LMX1A: variants seen among roughly 807,000 people sequenced by gnomAD.
LMX1A encodes the protein LIM homeobox transcription factor 1-alpha.
LMX1A carries 15 observed loss-of-function variants against 49.1 expected under a neutral mutation model. The ratio of observed to expected loss-of-function variants is 0.31; its 90% CI spans 0.20 to 0.47. The LOEUF is 0.47. LMX1A is among the 20% of genes least tolerant of loss of function. The pLI is 1.00. For synonymous variants in LMX1A, 167 were observed against 185.7 expected, an observed-to-expected ratio of 0.90 and a Z score of 0.82; for missense variants, 372 against 475.8, an observed-to-expected ratio of 0.78 and a Z score of 2.03.
intron 3 of LMX1A, among the ~76,000 whole-genome samples, chr1:165,350,173 CAAAAAAAAAAAAA>C (rs60150264): frequency 6.2e-5 from 5 of 80,230 alleles, no homozygotes; most frequent in Admixed American, 1.4e-4. Context: ...AAAGATCCAC[CAAAAAAAAAAAAA>C]AAAAAAAAAA....
chr1:165,213,599 A>T (rs910192318), intron 5 of LMX1A, 42 bp downstream of exon 5: 1 of 1,570,630 alleles, frequency 6.4e-7, no homozygotes, highest in African/African-American at 1.4e-5. Context: ...GCACACAGAG[A>T]AGTGGGGCCC....
At chr1:165,274,614 T>G (rs7518895) in intron 3 of LMX1A, among the ~76,000 whole-genome samples, 49,248 of 152,058 alleles carry the variant, frequency 0.32, 8,295 homozygotes, top group Non-Finnish European at 0.35. Context: ...AAATCAGAAG[T>G]GGCAGTGGGA....
intron 3 of LMX1A, among the ~76,000 whole-genome samples, chr1:165,300,279 G>C (rs910219267): frequency 1.3e-5 from 2 of 152,198 alleles, no homozygotes; most frequent in African/African-American, 4.8e-5. Flanking sequence ...CCCGATGTGT[G>C]ACCTGTTTAC....
chr1:165,271,585 C>T (rs779413023), intron 3 of LMX1A, among the ~76,000 whole-genome samples: 3 of 152,158 alleles, frequency 2.0e-5, no homozygotes, highest in Non-Finnish European at 4.4e-5. Flanking sequence ...TGCAGGACAT[C>T]CCTGCAATTG....
intron 4 of LMX1A, among the ~76,000 whole-genome samples, chr1:165,231,023 A>G (rs564322544): frequency 6.6e-6 from 1 of 152,330 alleles, no homozygotes; most frequent in East Asian, 1.9e-4. Flanking sequence ...ACATTTCCTA[A>G]AGTAAATTAT....
At chr1:165,257,686 T>G (rs1035216799) in intron 3 of LMX1A, among the ~76,000 whole-genome samples, 2 of 152,112 alleles carry the variant, frequency 1.3e-5, no homozygotes, top group African/African-American at 2.4e-5. Flanking sequence ...TTTCAAGATA[T>G]AGGCAGAAAT....
chr1:165,311,894 C>T (rs1226095589), intron 3 of LMX1A, among the ~76,000 whole-genome samples: 1 of 152,174 alleles, frequency 6.6e-6, no homozygotes, highest in Non-Finnish European at 1.5e-5. Context: ...CCTCAAAAGC[C>T]TTCAGTCTTA....
At chr1:165,250,344 C>G (rs1403104915) in intron 3 of LMX1A, among the ~76,000 whole-genome samples, 1 of 152,198 alleles carries the variant, frequency 6.6e-6, no homozygotes, top group Non-Finnish European at 1.5e-5. Context: ...AGACTGGCGC[C>G]AGGCAGGCTG....
At chr1:165,279,870 A>G (rs1654093441) in intron 3 of LMX1A, among the ~76,000 whole-genome samples, 2 of 151,516 alleles carry the variant, frequency 1.3e-5, no homozygotes, top group Non-Finnish European at 2.9e-5. Flanking sequence ...ACCCTTTTCC[A>G]TCTCGTGGTC....
intron 4 of LMX1A, among the ~76,000 whole-genome samples, chr1:165,243,507 A>G (rs1243401398): frequency 6.6e-6 from 1 of 152,248 alleles, no homozygotes; most frequent in Non-Finnish European, 1.5e-5. Context: ...ACCTTTGAAA[A>G]AGATCGTAGT....
chr1:165,320,593 A>T (rs771095184), intron 3 of LMX1A, among the ~76,000 whole-genome samples: 6 of 152,198 alleles, frequency 3.9e-5, no homozygotes, highest in Non-Finnish European at 7.4e-5. Flanking sequence ...GAGTCATCTC[A>T]AACCTAAAAG....
chr1:165,208,549 C>G (rs1651196935), intron 6 of LMX1A, among the ~76,000 whole-genome samples: 1 of 152,240 alleles, frequency 6.6e-6, no homozygotes, highest in Non-Finnish European at 1.5e-5. Context: ...TCCCTGTCTG[C>G]TGGCCCTTAA....
chr1:165,239,146 C>T (rs564146877), intron 4 of LMX1A, among the ~76,000 whole-genome samples: 4 of 152,314 alleles, frequency 2.6e-5, no homozygotes, highest in African/African-American at 9.6e-5. Flanking sequence ...AATGAATGCA[C>T]ACAGATAACA....
intron 3 of LMX1A, among the ~76,000 whole-genome samples, chr1:165,341,974 T>C (rs1177584511): frequency 1.5e-4 from 23 of 152,250 alleles, no homozygotes. Context: ...CAGTTGCTCA[T>C]GTGTTACCTG....
rs528303575 is a variant in LMX1A at position 165,259,932 on chromosome 1, C to T, written c.264-10292G>A. Among the ~76,000 whole-genome samples the T allele has an allele frequency of 1.9e-4, 29 of 152,262 alleles. No homozygotes were observed. The South Asian group carries it at 6.0e-3, about 32-fold the overall frequency. ...TCCTCCCCCTCTTCTTTGTTGAAACCTGAAAAGTATCTATGAGTCAAGCCC... is the reference window on the plus strand; with the variant it reads ...TCCTCCCCCTCTTCTTTGTTGAAACTTGAAAAGTATCTATGAGTCAAGCCC... On this transcript the variant is annotated intron_variant, in intron 3 of 8. Coordinates refer to ENST00000342310, the MANE Select transcript of LMX1A (RefSeq NM_177398.4).
chr1:165,348,593 A>G (rs1247352460), intron 3 of LMX1A, among the ~76,000 whole-genome samples: 3 of 152,168 alleles, frequency 2.0e-5, no homozygotes, highest in African/African-American at 4.8e-5. Flanking sequence ...TAGGGACAAC[A>G]AAAGATAAAG....
At position 165,205,972 on chromosome 1, in the gene LMX1A, G is replaced by A; in HGVS notation, c.880C>T (p.Pro294Ser). Residue 294 changes from proline (P) to serine (S), a missense_variant, in exon 8 of 9, where the codon CCC (proline) becomes TCC (serine). This residue lies in a region of LMX1A where 127 missense variants were observed against 138.0 expected (regional missense o/e 0.92). Transcript: ENST00000342310. ...ATGGCCAGGAGCTGCTGTGGGGTGG[G>A]CAGAGCCGTGTAGGGGTTCATGATT... The part of the protein sequence containing the change: ...EGIMNPYTAL[P>S]TPQQLLAIEQ... 6.2e-7 allele frequency: 1 copy of A among 1,612,814 alleles called. No individual in the cohort carries two copies. Among genetic ancestry groups the A allele is most frequent in the Admixed American group, 1.7e-5 (1 of 59,858 alleles).
intron 3 of LMX1A, among the ~76,000 whole-genome samples, chr1:165,338,055 A>G (rs1384284928): frequency 6.6e-6 from 1 of 152,164 alleles, no homozygotes; most frequent in Non-Finnish European, 1.5e-5. Flanking sequence ...TCTCTTAAAA[A>G]TACTATCCAA....
intron 4 of LMX1A, among the ~76,000 whole-genome samples, chr1:165,239,893 G>A (rs1036257570): frequency 1.3e-5 from 2 of 152,164 alleles, no homozygotes; most frequent in African/African-American, 4.8e-5. Context: ...CACAGCACCT[G>A]GCACAGTAAG....
Sources: allele counts gnomAD v4.1 joint callset (sites outside exome capture counted in the v4.1 genomes callset), GRCh38; gene constraint gnomAD v4.1.1; regional missense constraint gnomAD v4.1.1; transcripts MANE v1.5; gene names NCBI Gene and HGNC (gene_info 2026-07-23, HGNC 2026-07-21).